FOXP2: variants seen among roughly 807,000 people sequenced by gnomAD.
FOXP2 encodes the protein forkhead box P2, also known as forkhead box protein P2.
A neutral mutation model predicts 115.8 loss-of-function variants in FOXP2; 12 were observed. The ratio of observed to expected loss-of-function variants is 0.10; its 90% confidence interval spans 0.07 to 0.17. FOXP2 has a LOEUF of 0.17. Ranked by LOEUF, FOXP2 falls within the 10% of genes least tolerant of loss-of-function variation. FOXP2 has a pLI of 1.00. For synonymous variants in FOXP2, 328 were observed against 297.7 expected (o/e 1.10, Z -1.05); for missense variants, 629 against 843.5 (o/e 0.75, Z 3.15).
At chr7:114,604,861 G>A (rs763370947) in intron 3 of FOXP2, among the ~76,000 whole-genome samples, 5 of 152,096 alleles carry the variant, frequency 3.3e-5, no homozygotes, top group Admixed American at 2.6e-4. Context: ...TGTAGTAAGC[G>A]TAGTGACCCA....
intron 2 of FOXP2, among the ~76,000 whole-genome samples, chr7:114,395,575 C>T (rs924104714): frequency 1.3e-5 from 2 of 151,984 alleles, no homozygotes; most frequent in African/African-American, 2.4e-5. Flanking sequence ...TGTAAGAGAG[C>T]CTCATACCCA....
At chr7:114,295,006 A>C (rs1158188099) in intron 2 of FOXP2, among the ~76,000 whole-genome samples, 11 of 152,230 alleles carry the variant, frequency 7.2e-5, no homozygotes, top group Middle Eastern at 6.8e-3. Flanking sequence ...GGACAAACAT[A>C]ATGCACTATA....
intron 2 of FOXP2, among the ~76,000 whole-genome samples, chr7:114,383,166 C>T (rs1792351186): frequency 6.6e-6 from 1 of 152,152 alleles, no homozygotes; most frequent in African/African-American, 2.4e-5. Flanking sequence ...TATTATATCT[C>T]TCCATGTCAG....
chr7:114,279,910 AT>A (rs1161718418), intron 1 of FOXP2, among the ~76,000 whole-genome samples: 1 of 151,966 alleles, frequency 6.6e-6, no homozygotes, highest in Non-Finnish European at 1.5e-5. Flanking sequence ...AATATGATGC[AT>A]TTTTTTAAGG....
At chr7:114,358,561 G>A (rs1791670703) in intron 2 of FOXP2, among the ~76,000 whole-genome samples, 1 of 152,124 alleles carries the variant, frequency 6.6e-6, no homozygotes, top group African/African-American at 2.4e-5. Flanking sequence ...GCTTCCTAGA[G>A]ACTTGTTGAA....
intron 1 of FOXP2, among the ~76,000 whole-genome samples, chr7:114,282,546 A>G (rs1796365625): frequency 6.6e-6 from 1 of 152,158 alleles, no homozygotes; most frequent in African/African-American, 2.4e-5. Context: ...TTTCATTTTT[A>G]AATTCCCATG....
At chr7:114,587,027 A>ATTAT (rs547085796) in intron 3 of FOXP2, among the ~76,000 whole-genome samples, 11 of 151,386 alleles carry the variant, frequency 7.3e-5, no homozygotes, top group African/African-American at 1.2e-4. Context: ...GTAGGTATTC[A>ATTAT]TTATTTATTT....
intron 2 of FOXP2, among the ~76,000 whole-genome samples, chr7:114,361,233 A>G (rs1791738613): frequency 6.6e-6 from 1 of 152,114 alleles, no homozygotes; most frequent in African/African-American, 2.4e-5. Context: ...GTCAATAAGA[A>G]CTTGAAAGCA....
intron 8 of FOXP2, among the ~76,000 whole-genome samples, chr7:114,646,371 G>A (rs774801462): frequency 6.6e-6 from 1 of 151,880 alleles, no homozygotes; most frequent in Non-Finnish European, 1.5e-5. Context: ...ATTGAAAGAA[G>A]CATTTAATTT....
At chr7:114,474,085 A>T (rs1021207382) in intron 2 of FOXP2, among the ~76,000 whole-genome samples, 7 of 152,330 alleles carry the variant, frequency 4.6e-5, no homozygotes, top group Admixed American at 3.3e-4. Context: ...CATAAGGTAG[A>T]TATAAACCTC....
chr7:114,109,153 A>G (rs896021722), intron 1 of FOXP2, among the ~76,000 whole-genome samples: 1 of 151,982 alleles, frequency 6.6e-6, no homozygotes, highest in African/African-American at 2.4e-5. Context: ...TAAAAGCAGG[A>G]TATTACAAAG....
intron 2 of FOXP2, among the ~76,000 whole-genome samples, chr7:114,488,018 G>T (rs1796871323): frequency 6.6e-6 from 1 of 152,078 alleles, no homozygotes; most frequent in African/African-American, 2.4e-5. Flanking sequence ...TTCTCATGCT[G>T]CTAATCAAGA....
At chr7:114,502,289 A>T (rs1475340898) in intron 2 of FOXP2, among the ~76,000 whole-genome samples, 1 of 152,064 alleles carries the variant, frequency 6.6e-6, no homozygotes, top group Non-Finnish European at 1.5e-5. Context: ...AGCTAAGTTA[A>T]AAAAGAAACT....
intron 3 of FOXP2, among the ~76,000 whole-genome samples, chr7:114,564,373 T>TG (rs944326212): frequency 1.3e-4 from 20 of 152,208 alleles, no homozygotes; most frequent in Non-Finnish European, 2.2e-4. Flanking sequence ...CTCTCTAATA[T>TG]GGGGGCTTTA....
chr7:114,615,630 T>G (rs761048482), intron 3 of FOXP2, among the ~76,000 whole-genome samples: 3 of 152,222 alleles, frequency 2.0e-5, no homozygotes, highest in Non-Finnish European at 4.4e-5. Flanking sequence ...ATTACAGTGT[T>G]TCTCTGGTGT....
rs1456253960 is a variant in FOXP2 at position 114,400,193 on chromosome 7, TG to T, written c.-10-26308del. Among the ~76,000 whole-genome samples, 4 of 151,934 alleles carry T rather than the reference TG, an allele frequency of 2.6e-5. No individual in the cohort carries two copies. In the East Asian group the frequency reaches 5.8e-4, roughly 22 times the overall value. On this transcript the variant is annotated intron_variant, in intron 2 of 17. Transcript: ENST00000634411. Reference sequence around the variant, plus strand: ...TTTTCTTTGTAAAATTTATGTTTTTTGTTGTTGTTGTTGTTGTTGTTTTTGG... The same window carrying T: ...TTTTCTTTGTAAAATTTATGTTTTTTTTGTTGTTGTTGTTGTTGTTTTTGG...
intron 16 of FOXP2, among the ~76,000 whole-genome samples, chr7:114,685,004 T>C (rs74663503): frequency 6.6e-6 from 1 of 152,192 alleles, no homozygotes; most frequent in African/African-American, 2.4e-5. Context: ...TTTTTTTTTT[T>C]AGTCAGAATA....
chr7:114,364,761 T>C (rs543635197), intron 2 of FOXP2, among the ~76,000 whole-genome samples: 22 of 152,280 alleles, frequency 1.4e-4, no homozygotes, highest in Non-Finnish European at 2.9e-4. Context: ...TCACATGATT[T>C]TGATGAGAGT....
At chr7:114,111,725 G>T (rs1224258163) in intron 1 of FOXP2, among the ~76,000 whole-genome samples, 1 of 151,916 alleles carries the variant, frequency 6.6e-6, no homozygotes, top group Non-Finnish European at 1.5e-5. Flanking sequence ...ATATATCCTG[G>T]TTGGAGGAAG....
Sources: allele counts gnomAD v4.1 joint callset (sites outside exome capture counted in the v4.1 genomes callset), GRCh38; gene constraint gnomAD v4.1.1; transcripts MANE v1.5; gene names NCBI Gene and HGNC (gene_info 2026-07-23, HGNC 2026-07-21).